Variants in AGBL1 observed in about 807,000 individuals in gnomAD.
AGBL1 encodes AGBL carboxypeptidase 1, also known as cytosolic carboxypeptidase 4.
In AGBL1, 130 loss-of-function variants were observed where a neutral mutation model predicts 118.9. That is an observed-to-expected ratio of 1.09 (90% CI 0.95 to 1.26). The LOEUF is 1.26. AGBL1 is among the 50% of genes most tolerant of loss of function. The pLI is 0.00. For missense variants in AGBL1, 1,584 were observed against 1,298.1 expected (o/e 1.22, Z -3.38); for synonymous variants, 555 against 478.9 (o/e 1.16, Z -2.08).
Position 86,877,005 on chromosome 15 carries a change from T to A in AGBL1, c.3159-30082T>A, listed in dbSNP as rs11633969. Among the ~76,000 whole-genome samples, 21 of 151,978 alleles carry A rather than the reference T, an allele frequency of 1.4e-4. 1 individual carries two copies. Among genetic ancestry groups the A allele is most frequent in the Admixed American group, 1.4e-3 (21 of 15,254 alleles). ...ATTATTATTATTTTCCCATTCCTGG[T>A]CTAGGAAAAAGCATTCAGAGATCAA... On this transcript the variant is annotated intron_variant, in intron 22 of 22. Coordinates refer to ENST00000614907, the MANE Select transcript of AGBL1 (RefSeq NM_001386094.1).
At chr15:86,728,212 A>C (rs2086848585) in intron 22 of AGBL1, among the ~76,000 whole-genome samples, 1 of 152,204 alleles carries the variant, frequency 6.6e-6, no homozygotes, top group African/African-American at 2.4e-5. Context: ...ACCGTACCAC[A>C]GTTACCCAGG....
intron 11 of AGBL1, among the ~76,000 whole-genome samples, chr15:86,265,816 A>G (rs1014008727): frequency 5.9e-5 from 9 of 152,224 alleles, no homozygotes; most frequent in Admixed American, 4.6e-4. Context: ...TTGGAAATTC[A>G]GGAAGGTAAT....
chr15:86,962,517 C>CT, intron 23 of AGBL1, among the ~76,000 whole-genome samples: 1 of 151,930 alleles, frequency 6.6e-6, no homozygotes. Context: ...CCACAAAACA[C>CT]TTTTTTTAAG....
At position 86,079,939 on chromosome 15, in the gene AGBL1, C is replaced by T. The variant is rs916075767; in HGVS notation, c.-34C>T. On this transcript the variant is annotated 5_prime_UTR_variant, in exon 1 of 23. Transcript: ENST00000614907. ...GCTGCCTCTCCAGCCTGGATCTGGC[C>T]GCAGGCAGCGGTTCCCTAGGACCCG... 23 of 1,230,070 alleles carry T rather than the reference C, an allele frequency of 1.9e-5. No homozygotes were observed. The East Asian group carries it at 4.1e-4, about 22-fold the overall frequency. 76.2% of individuals were successfully genotyped at this position (1,230,070 alleles called of 1,614,324 possible).
chr15:86,264,919 C>A, intron 11 of AGBL1, 81 bp downstream of exon 11: 3 of 1,258,072 alleles, frequency 2.4e-6, no homozygotes, highest in Non-Finnish European at 3.3e-6. Context: ...ACAGATAATT[C>A]TACTATCTAT....
At chr15:86,172,892 A>G (rs2141758995) in intron 5 of AGBL1, among the ~76,000 whole-genome samples, 1 of 152,204 alleles carries the variant, frequency 6.6e-6, no homozygotes, top group East Asian at 1.9e-4. Context: ...ATTGCATGAT[A>G]GTCCTATTTT....
chr15:86,202,797 C>G (rs1224401664), intron 5 of AGBL1, among the ~76,000 whole-genome samples: 1 of 152,182 alleles, frequency 6.6e-6, no homozygotes, highest in East Asian at 1.9e-4. Context: ...CAGATAAGAA[C>G]TGTAGTGGCT....
At chr15:86,119,758 G>A (rs777577147) in intron 1 of AGBL1, among the ~76,000 whole-genome samples, 27 of 152,084 alleles carry the variant, frequency 1.8e-4, no homozygotes, top group Non-Finnish European at 3.2e-4. Flanking sequence ...TGTGCAGACT[G>A]CAAGTATCTC....
At chr15:86,925,026 C>T (rs2080516620) in intron 23 of AGBL1, among the ~76,000 whole-genome samples, 2 of 151,568 alleles carry the variant, frequency 1.3e-5, no homozygotes, top group African/African-American at 4.8e-5. Context: ...CGCTTGAACC[C>T]GGGAGGTGGA....
chr15:86,543,183 G>A (rs9920761), intron 19 of AGBL1, among the ~76,000 whole-genome samples: 7,843 of 148,546 alleles, frequency 0.053, 631 homozygotes, highest in African/African-American at 0.17. Flanking sequence ...CCCCTTAAAA[G>A]TAATTTAGTG....
chr15:86,493,797 G>A (rs187035020), intron 18 of AGBL1, among the ~76,000 whole-genome samples: 1 of 152,020 alleles, frequency 6.6e-6, no homozygotes, highest in East Asian at 1.9e-4. Context: ...GGTCTTCCAC[G>A]AAAGAAAGCT....
chr15:86,712,108 T>C (rs12909583), intron 22 of AGBL1, among the ~76,000 whole-genome samples: 50,371 of 152,060 alleles, frequency 0.33, 9,936 homozygotes, highest in Non-Finnish European at 0.45. Flanking sequence ...CTATAGCCTT[T>C]GATTTTTATA....
At chr15:86,698,357 C>T (rs1034826545) in intron 22 of AGBL1, among the ~76,000 whole-genome samples, 1 of 151,894 alleles carries the variant, frequency 6.6e-6, no homozygotes, top group South Asian at 2.1e-4. Flanking sequence ...AACTAGTTTC[C>T]TTATTTTTAT....
intron 21 of AGBL1, among the ~76,000 whole-genome samples, chr15:86,567,585 A>C (rs2083934191): frequency 6.6e-6 from 1 of 152,248 alleles, no homozygotes; most frequent in African/African-American, 2.4e-5. Context: ...CAACTCAAAA[A>C]TATTTTAGAT....
intron 6 of AGBL1, among the ~76,000 whole-genome samples, chr15:86,238,094 A>G (rs1239490597): frequency 6.6e-6 from 1 of 151,962 alleles, no homozygotes; most frequent in Admixed American, 6.6e-5. Context: ...TGATCATCCA[A>G]CCTAAAGCAG....
At chr15:86,940,183 C>T (rs1349561389) in intron 23 of AGBL1, among the ~76,000 whole-genome samples, 1 of 145,552 alleles carries the variant, frequency 6.9e-6, no homozygotes, top group African/African-American at 2.5e-5. Context: ...TGCTTACAGA[C>T]ATGAGCCTGT....
intron 22 of AGBL1, among the ~76,000 whole-genome samples, chr15:86,715,072 C>T (rs542097915): frequency 9.8e-4 from 149 of 152,228 alleles, no homozygotes; most frequent in African/African-American, 3.5e-3. Flanking sequence ...CTGGCCCAGA[C>T]GTGGGAATGT....
intron 21 of AGBL1, among the ~76,000 whole-genome samples, chr15:86,620,534 T>G (rs1001301158): frequency 1.3e-5 from 2 of 152,194 alleles, no homozygotes; most frequent in Non-Finnish European, 2.9e-5. Context: ...ACAGCTCCTT[T>G]GGCTTCCCCA....
At chr15:86,179,956 A>G (rs2077530343) in intron 5 of AGBL1, among the ~76,000 whole-genome samples, 1 of 152,178 alleles carries the variant, frequency 6.6e-6, no homozygotes, top group African/African-American at 2.4e-5. Flanking sequence ...TACAATAGCA[A>G]TGTAAATGTA....
Sources: gnomAD v4.1 joint callset for allele counts (sites outside exome capture counted in the v4.1 genomes callset) on GRCh38, gnomAD v4.1.1 for gene constraint, MANE v1.5 for transcripts, NCBI Gene and HGNC (gene_info 2026-07-23, HGNC 2026-07-21) for gene names.